The following ZNF546 variants were observed in gnomAD, a reference collection of about 807,000 sequenced individuals.
ZNF546 encodes CTC-471F3.6.
ZNF546 carries 60 observed loss-of-function variants against 76.2 expected under a neutral mutation model. The ratio of observed to expected loss-of-function variants is 0.79; its 90% CI spans 0.64 to 0.98. The LOEUF (loss-of-function observed/expected upper bound fraction) is 0.98. Ranked by LOEUF, ZNF546 falls within the 50% of genes least tolerant of loss-of-function variation. ZNF546 has a pLI of 0.00. For synonymous variants in ZNF546, 277 were observed against 328.1 expected (o/e 0.84, Z 1.68); for missense variants, 936 against 1,035.6 (o/e 0.90, Z 1.32).
At chr19:40,004,555 C>A (rs1971578336) in intron 3 of ZNF546, among the ~76,000 whole-genome samples, 1 of 152,170 alleles carries the variant, frequency 6.6e-6, no homozygotes, top group African/African-American at 2.4e-5. Flanking sequence ...AGGCGTGAGC[C>A]ACCGTGCCCA....
chr19:39,999,279 A>G (rs1185775851), intron 3 of ZNF546, among the ~76,000 whole-genome samples: 1 of 152,256 alleles, frequency 6.6e-6, no homozygotes, highest in Non-Finnish European at 1.5e-5. Context: ...GAATCTTAAC[A>G]GTGAAAAGGT....
intron 3 of ZNF546, among the ~76,000 whole-genome samples, chr19:40,003,524 T>G (rs1195649640): frequency 6.6e-6 from 1 of 152,180 alleles, no homozygotes; most frequent in Non-Finnish European, 1.5e-5. Context: ...GAGGATATTG[T>G]GGCTGAAAGG....
In ZNF546 at chr19:40,017,063, G is replaced by A. The variant is rs1971780926; in HGVS notation, c.*1282G>A. The A allele has an allele frequency of 6.6e-6, 1 of 152,118 alleles. No homozygotes were observed. The highest frequency in any genetic ancestry group is 2.4e-5 in the African/African-American group (1 of 41,414). 9.4% of individuals were successfully genotyped at this position (152,118 alleles called of 1,614,324 possible). On this transcript the variant is annotated 3_prime_UTR_variant, in exon 7 of 7. Transcript: ENST00000347077. The stretch of plus-strand genomic sequence containing the variant: ...TTCATGTGAGAGGAAGGCCCTGTGG[G>A]TGTAAGAAATTTGTAAAAACTGTCC...
chr19:39,997,257 G>C (rs1971465683), intron 1 of ZNF546, 100 bp downstream of exon 1: 1 of 152,592 alleles, frequency 6.6e-6, no homozygotes, highest in South Asian at 2.1e-4. Flanking sequence ...TGCCCGCAGG[G>C]AGCCTCAGGC....
chr19:40,012,490 A>T (rs1311604008), intron 6 of ZNF546, among the ~76,000 whole-genome samples: 1 of 152,164 alleles, frequency 6.6e-6, no homozygotes, highest in Non-Finnish European at 1.5e-5. Flanking sequence ...ACTTGTTTGT[A>T]ATATTTACAG....
chr19:39,998,050 C>T (rs234327), intron 2 of ZNF546, 135 bp downstream of exon 2: 16,821 of 455,868 alleles, frequency 0.037, 2,330 homozygotes, highest in African/African-American at 0.3. Flanking sequence ...ACCACAGAGC[C>T]TGTCACCTCA....
In ZNF546 at chr19:40,013,998, G is replaced by C. The variant is rs2111543; in HGVS notation, c.728G>C (p.Arg243Thr). The C allele has an allele frequency of 0.038, 62,045 of 1,612,794 alleles. 2,249 individuals are homozygous for C. The highest frequency in any genetic ancestry group is 0.16 in the East Asian group (7,068 of 44,850). Residue 243 changes from arginine (R) to threonine (T), a missense_variant, in exon 7 of 7, where the codon AGA (arginine) becomes ACA (threonine). Physicochemically the swap from Arg to Thr is moderately conservative, Grantham distance 71 (BLOSUM62 -1). Transcript: ENST00000347077. ...CATCTGAGAATTCACACTGGTGAGA[G>C]ACCCTATAAATGTATGGAATGTGGA... ...IQHLRIHTGE[R>T]PYKCMECGKA...
In ZNF546 at chr19:40,006,161, TG is replaced by T. The variant is rs1971599773; in HGVS notation, c.152del (p.Gly51ValfsTer17). The T allele has an allele frequency of 1.2e-6, 2 of 1,613,752 alleles. No homozygotes were observed. Among genetic ancestry groups the T allele is most frequent in the South Asian group, 2.2e-5 (2 of 90,976 alleles). On this transcript the variant is annotated frameshift_variant, in exon 4 of 7. Transcript: ENST00000347077. LOFTEE classifies it high-confidence loss of function. The stretch of plus-strand genomic sequence containing the variant: ...CTCAAGGAGAACTGACAAGTTCTTG[TG>T]GTTCTAAAACCATGGCCAATGTAAG... ...ETQGELTSSC[G>X]SKTMANVSLA... is the part of the protein sequence containing the mutation.
At position 40,014,193 on chromosome 19, in the gene ZNF546, A is replaced by C. The variant is rs756042961; in HGVS notation, c.923A>C (p.Lys308Thr). Residue 308 changes from lysine (K) to threonine (T), a missense_variant, in exon 7 of 7, where the codon AAA becomes ACA. Coordinates refer to ENST00000347077, the MANE Select transcript of ZNF546 (RefSeq NM_178544.5). ...VKPYECKECG[K>T]AFSRVRDLRV... ...CCCTACGAGTGTAAGGAATGTGGGA[A>C]AGCCTTTAGTCGTGTTAGAGACCTT... 8.1e-6 allele frequency: 13 copies of C among 1,613,710 alleles called. No homozygotes were observed. Among genetic ancestry groups the C allele is most frequent in the Non-Finnish European group, 1.1e-5 (13 of 1,179,824 alleles).
Position 40,013,570 on chromosome 19 carries a change from A to G in ZNF546, c.395-95A>G, listed in dbSNP as rs1414965038. 2.4e-5 allele frequency: 24 copies of G among 984,276 alleles called. No homozygotes were observed. The East Asian group carries it at 5.4e-4, about 22-fold the overall frequency. The allele number at this position is 984,276 out of a possible 1,614,324, so 61.0% of individuals were successfully genotyped here. On this transcript the variant is annotated intron_variant, in intron 6 of 6. Coordinates refer to ENST00000347077, the MANE Select transcript of ZNF546 (RefSeq NM_178544.5). The stretch of plus-strand genomic sequence containing the variant: ...TTATTTCTGTTTATCTTTTATTTCT[A>G]CTATGAGGTACAACCCCCATCCCTG...
chr19:40,007,225 CT>C (rs747254612), intron 4 of ZNF546, 48 bp from the exon 5 acceptor site: 5 of 1,430,258 alleles, frequency 3.5e-6, no homozygotes, highest in African/African-American at 1.5e-5. Context: ...AGTTTTCCAT[CT>C]TGAAAATACA....
chr19:39,999,645 G>A (rs991500226), intron 3 of ZNF546: 4 of 150,288 alleles, frequency 2.7e-5, no homozygotes, highest in African/African-American at 9.9e-5. Flanking sequence ...ATGTGATCTT[G>A]GCTTACTGCA....
chr19:40,006,093 C>A lies in ZNF546; in HGVS notation c.85-3C>A. The A allele has an allele frequency of 6.2e-7, 1 of 1,613,794 alleles. No homozygotes were observed. Among genetic ancestry groups the A allele is most frequent in the Non-Finnish European group, 8.5e-7 (1 of 1,179,804 alleles). ...TCTCAGAGTCACTTGTTCTTCCCCC[C>A]AGCCCCGGTTTCTCTGGATTCTGTG... is the stretch of plus-strand genomic sequence containing the variant. On this transcript the variant is annotated splice_polypyrimidine_tract_variant and splice_region_variant and intron_variant, in intron 3 of 6. Coordinates refer to ENST00000347077, the MANE Select transcript of ZNF546 (RefSeq NM_178544.5).
chr19:39,999,582 T>A (rs947143798), intron 3 of ZNF546: 1 of 145,306 alleles, frequency 6.9e-6, no homozygotes, highest in Non-Finnish European at 1.5e-5. Context: ...TTAGCAAGAT[T>A]TTTTTTTTTT....
rs777252245 is a variant in ZNF546, at chr19:40,014,527, T to C, written c.1257T>C (p.Gly419=). 6 of 1,613,416 alleles carry C rather than the reference T, an allele frequency of 3.7e-6. No homozygotes were observed. Among genetic ancestry groups the C allele is most frequent in the Non-Finnish European group, 5.1e-6 (6 of 1,179,912 alleles). ...GEKPYECKEC[G]KSFSFHAELA... ...AACCCTACGAATGTAAAGAATGTGG[T>C]AAGTCCTTTAGTTTTCATGCAGAAC... The change falls in exon 7 of 7, where the codon GGT becomes GGC. Residue 419 remains glycine, a synonymous_variant. Transcript: ENST00000347077.
rs772771629 is a variant in ZNF546, at chr19:40,014,204, C to G, written c.934C>G (p.Arg312Gly). The change falls in exon 7 of 7, where the codon CGT becomes GGT. Residue 312 changes from arginine to glycine, a missense_variant. Physicochemically the swap from Arg to Gly is moderately radical, Grantham distance 125. Coordinates refer to ENST00000347077, the MANE Select transcript of ZNF546 (RefSeq NM_178544.5). Reference sequence around the variant, plus strand: ...TAAGGAATGTGGGAAAGCCTTTAGTCGTGTTAGAGACCTTAGAGTACATCA... The same window carrying G: ...TAAGGAATGTGGGAAAGCCTTTAGTGGTGTTAGAGACCTTAGAGTACATCA... ...ECKECGKAFSRVRDLRVHQTI... is the reference protein window; with the variant it reads ...ECKECGKAFSGVRDLRVHQTI... The G allele has an allele frequency of 6.2e-7, 1 of 1,612,862 alleles. No individual in the cohort carries two copies.
rs1971791382 is a variant in ZNF546 at position 40,017,694 on chromosome 19, G to T, written c.*1913G>T. On this transcript the variant is annotated 3_prime_UTR_variant, in exon 7 of 7. Transcript: ENST00000347077. Reference sequence around the variant, plus strand: ...TTAGCACATTTTATGTGTAGCCCAAGATAATTCTTCTTCCAGTGTAACCCA... The same window carrying T: ...TTAGCACATTTTATGTGTAGCCCAATATAATTCTTCTTCCAGTGTAACCCA... 6.6e-6 allele frequency: 1 copy of T among 152,072 alleles called. No individual in the cohort carries two copies. Among genetic ancestry groups the T allele is most frequent in the Non-Finnish European group, 1.5e-5 (1 of 68,006 alleles). The allele number at this position is 152,072 out of a possible 1,614,324, so 9.4% of individuals were successfully genotyped here.
rs185553949 is a variant in ZNF546, at chr19:40,019,059, G to T, written c.*3278G>T. On this transcript the variant is annotated 3_prime_UTR_variant, in exon 7 of 7. Transcript: ENST00000347077. ...AAATATTTCTTTTAATTTAGTAAAC[G>T]ATCTGTAGAGTAGTACTTTGGCATT... 1.8e-4 allele frequency: 27 copies of T among 152,074 alleles called. No individual in the cohort carries two copies. Among genetic ancestry groups the T allele is most frequent in the African/African-American group, 5.3e-4 (22 of 41,418 alleles). The allele number at this position is 152,074 out of a possible 1,614,324, so 9.4% of individuals were successfully genotyped here.
chr19:40,004,001 G>C (rs913644278), intron 3 of ZNF546, among the ~76,000 whole-genome samples: 9 of 134,890 alleles, frequency 6.7e-5, no homozygotes, highest in African/African-American at 2.4e-4. Flanking sequence ...GACAGAGTGA[G>C]ACTCTATCTC....
Sources: allele counts gnomAD v4.1 joint callset (sites outside exome capture counted in the v4.1 genomes callset), GRCh38; gene constraint gnomAD v4.1.1; transcripts MANE v1.5; gene names NCBI Gene and HGNC (gene_info 2026-07-23, HGNC 2026-07-21).